Variants in HAPLN1 observed in about 807,000 individuals in gnomAD.
HAPLN1 encodes the protein Cartilage link protein.
In HAPLN1, 13 loss-of-function variants were observed where a neutral mutation model predicts 36.5. The ratio of observed to expected loss-of-function variants is 0.36; its 90% CI spans 0.23 to 0.57. The LOEUF (loss-of-function observed/expected upper bound fraction) is 0.57. Ranked by LOEUF, HAPLN1 falls within the 20% of genes least tolerant of loss-of-function variation. HAPLN1 has a pLI of 0.83. For missense variants in HAPLN1, 407 were observed against 439.7 expected (o/e 0.93, Z 0.66); for synonymous variants, 202 against 169.8 (o/e 1.19, Z -1.48).
intron 1 of HAPLN1, among the ~76,000 whole-genome samples, chr5:83,687,516 A>G (rs993872819): frequency 2.0e-5 from 3 of 152,208 alleles, no homozygotes; most frequent in Non-Finnish European, 2.9e-5. Context: ...ATCTCTCACC[A>G]TTATAGCATC....
chr5:83,641,843 TAGAA>T, intron 4 of HAPLN1, 58 bp from the exon 5 acceptor site: 2 of 1,526,276 alleles, frequency 1.3e-6, no homozygotes, highest in Admixed American at 1.9e-5. Flanking sequence ...CACACAGAGA[TAGAA>T]AGAGCCAAAA....
intron 1 of HAPLN1, among the ~76,000 whole-genome samples, chr5:83,706,969 C>T (rs992137789): frequency 6.6e-6 from 1 of 152,152 alleles, no homozygotes; most frequent in Non-Finnish European, 1.5e-5. Context: ...AACACAATCC[C>T]ATTCACAATT....
chr5:83,678,713 G>A (rs10039752), intron 1 of HAPLN1, among the ~76,000 whole-genome samples: 105,683 of 151,784 alleles, frequency 0.7, 37,069 homozygotes, highest in Non-Finnish European at 0.74. Flanking sequence ...AAGAAGATAT[G>A]AGGGGATTGT....
intron 3 of HAPLN1, among the ~76,000 whole-genome samples, chr5:83,645,786 T>C (rs2112556573): frequency 6.6e-6 from 1 of 152,272 alleles, no homozygotes; most frequent in South Asian, 2.1e-4. Context: ...ACAAGGGCTT[T>C]CATTTAAAAG....
intron 1 of HAPLN1, among the ~76,000 whole-genome samples, chr5:83,680,985 T>C (rs1282186996): frequency 6.6e-6 from 1 of 152,200 alleles, no homozygotes; most frequent in Non-Finnish European, 1.5e-5. Context: ...ATATTGGCTT[T>C]ATAAGAAATA....
At chr5:83,652,008 G>A (rs336970) in intron 3 of HAPLN1, 3,515 of 161,148 alleles carry the variant, frequency 0.022, 53 homozygotes, top group Middle Eastern at 0.036. Flanking sequence ...TTGAATTAAG[G>A]TTTTGCAGTC....
intron 1 of HAPLN1, among the ~76,000 whole-genome samples, chr5:83,690,037 A>G (rs1751235273): frequency 6.6e-6 from 1 of 152,002 alleles, no homozygotes; most frequent in Non-Finnish European, 1.5e-5. Flanking sequence ...TCAAAGAGCT[A>G]TTTTCTGGAA....
chr5:83,643,179 CACAAA>C (rs1375883136), intron 4 of HAPLN1, among the ~76,000 whole-genome samples: 1 of 151,616 alleles, frequency 6.6e-6, no homozygotes, highest in Non-Finnish European at 1.5e-5. Flanking sequence ...GAAGAAAACT[CACAAA>C]ACCAAAAAAC....
In HAPLN1 at chr5:83,661,579, G is replaced by T. The variant is rs570810208; in HGVS notation, c.101-8755C>A. 1.2e-4 allele frequency among the ~76,000 whole-genome samples: 18 copies of T among 151,796 alleles called. No individual in the cohort carries two copies. In the South Asian group the frequency reaches 3.6e-3, roughly 30 times the overall value. On this transcript the variant is annotated intron_variant, in intron 2 of 4. Coordinates refer to ENST00000274341, the MANE Select transcript of HAPLN1 (RefSeq NM_001884.4). The stretch of plus-strand genomic sequence containing the variant: ...CCTGCCTCAGCCTCCCAAGTAGCTG[G>T]GACTACAGGCGTCTGCCACCCCGCC...
chr5:83,638,017 T>TC lies in HAPLN1; in HGVS notation c.*3478_*3479insG, dbSNP rs1749565999. The TC allele has an allele frequency of 1.8e-5, 1 of 54,738 alleles. No individual in the cohort carries two copies. The highest frequency in any genetic ancestry group is 5.3e-4 in the South Asian group (1 of 1,888). The allele number at this position is 54,738 out of a possible 1,614,324, so 3.4% of individuals were successfully genotyped here. On this transcript the variant is annotated 3_prime_UTR_variant, in exon 5 of 5. Transcript: ENST00000274341. ...ATTTAGCGACACCATATAAATGCTCTTTTTTTTTTTTTGACTTTGCAAGAG... is the reference window on the plus strand; with the variant it reads ...ATTTAGCGACACCATATAAATGCTCTCTTTTTTTTTTTTGACTTTGCAAGAG...
intron 1 of HAPLN1, among the ~76,000 whole-genome samples, chr5:83,713,211 G>A (rs1245120594): frequency 6.6e-6 from 1 of 151,976 alleles, no homozygotes; most frequent in Non-Finnish European, 1.5e-5. Flanking sequence ...GACATTTTGG[G>A]GTCTTACTCA....
At chr5:83,691,384 A>G (rs1445516434) in intron 1 of HAPLN1, among the ~76,000 whole-genome samples, 1 of 152,050 alleles carries the variant, frequency 6.6e-6, no homozygotes, top group East Asian at 1.9e-4. Flanking sequence ...AAGTCTAAGG[A>G]AAAAATGATC....
At chr5:83,676,386 A>G (rs1750861997) in intron 1 of HAPLN1, among the ~76,000 whole-genome samples, 1 of 152,206 alleles carries the variant, frequency 6.6e-6, no homozygotes, top group Admixed American at 6.5e-5. Context: ...CAGGGAGGTG[A>G]GAATGGAAAT....
At chr5:83,682,720 T>C (rs1049697085) in intron 1 of HAPLN1, among the ~76,000 whole-genome samples, 24 of 152,172 alleles carry the variant, frequency 1.6e-4, no homozygotes, top group African/African-American at 5.8e-4. Context: ...AAAGGGAAAA[T>C]ACAATATCTT....
intron 1 of HAPLN1, among the ~76,000 whole-genome samples, chr5:83,695,328 G>C (rs1272932603): frequency 6.6e-6 from 1 of 151,842 alleles, no homozygotes; most frequent in African/African-American, 2.4e-5. Context: ...GTTTCGCCAT[G>C]TTGGCCAGGC....
At chr5:83,686,142 C>CAAAAAAAAAAAAAAAA (rs535353958) in intron 1 of HAPLN1, 3 of 81,642 alleles carry the variant, frequency 3.7e-5, no homozygotes, top group African/African-American at 9.1e-5. Context: ...AAAATGTAGC[C>CAAAAAAAAAAAAAAAA]AAAAAAAAAA....
At chr5:83,680,495 A>C (rs1750973131) in intron 1 of HAPLN1, among the ~76,000 whole-genome samples, 1 of 152,142 alleles carries the variant, frequency 6.6e-6, no homozygotes, top group Admixed American at 6.6e-5. Flanking sequence ...CTATCTACTA[A>C]AAAATTTTTC....
chr5:83,643,269 G>A (rs1394416537), intron 4 of HAPLN1, among the ~76,000 whole-genome samples: 1 of 151,266 alleles, frequency 6.6e-6, no homozygotes, highest in Non-Finnish European at 1.5e-5. Context: ...AGTCATTTGG[G>A]AACCAGGGAG....
intron 2 of HAPLN1, among the ~76,000 whole-genome samples, chr5:83,670,984 T>A (rs1034303730): frequency 6.6e-6 from 1 of 151,878 alleles, no homozygotes; most frequent in African/African-American, 2.4e-5. Context: ...TGAGCCACCA[T>A]GCCTGGCTTT....
Sources: gnomAD v4.1 joint callset for allele counts (sites outside exome capture counted in the v4.1 genomes callset) on GRCh38, gnomAD v4.1.1 for gene constraint, MANE v1.5 for transcripts, NCBI Gene and HGNC (gene_info 2026-07-23, HGNC 2026-07-21) for gene names.